The following HHAT variants were observed in gnomAD, a reference collection of about 807,000 sequenced individuals.
HHAT encodes protein-cysteine N-palmitoyltransferase HHAT.
HHAT carries 47 observed loss-of-function variants against 70.8 expected under a neutral mutation model. The ratio of observed to expected loss-of-function variants is 0.66; its 90% CI spans 0.53 to 0.85. The LOEUF (loss-of-function observed/expected upper bound fraction) is 0.85. Ranked by LOEUF, HHAT falls within the 40% of genes least tolerant of loss-of-function variation. The probability of loss-of-function intolerance (pLI) is 0.00; values close to 1 mark genes in which losing one functional copy is unlikely to be tolerated. For synonymous variants in HHAT, 228 were observed against 247.6 expected, an observed-to-expected ratio of 0.92 and a Z score of 0.74; for missense variants, 609 against 604.8, an observed-to-expected ratio of 1.01 and a Z score of -0.07.
In HHAT at chr1:210,387,480, T is replaced by C; in HGVS notation, c.172T>C (p.Phe58Leu). 6.2e-7 allele frequency: 1 copy of C among 1,614,066 alleles called. No homozygotes were observed. Among genetic ancestry groups the C allele is most frequent in the East Asian group, 2.2e-5 (1 of 44,874 alleles). ...TTGTCCTATTTAGGATGCGACCGACTTTGAGTGGAGCTTCTGGATGGAATG... is the reference window on the plus strand; with the variant it reads ...TTGTCCTATTTAGGATGCGACCGACCTTGAGTGGAGCTTCTGGATGGAATG... Reference protein sequence around the residue: ...FGGLKKDATDFEWSFWMEWGK... With the variant: ...FGGLKKDATDLEWSFWMEWGK... The change falls in exon 4 of 12, where the codon TTT (phenylalanine) becomes CTT (leucine). Residue 58 changes from phenylalanine to leucine, a missense_variant. By Grantham distance (22) the Phe-to-Leu change is conservative. Transcript: ENST00000261458.
At chr1:210,586,208 TGA>T (rs983583063) in intron 9 of HHAT, among the ~76,000 whole-genome samples, 2 of 152,140 alleles carry the variant, frequency 1.3e-5, no homozygotes, top group African/African-American at 4.8e-5. Context: ...CTTGGGAGGC[TGA>T]GACAGGAGGT....
At chr1:210,497,499 G>A (rs2094671115) in intron 8 of HHAT, among the ~76,000 whole-genome samples, 1 of 152,156 alleles carries the variant, frequency 6.6e-6, no homozygotes, top group Admixed American at 6.5e-5. Flanking sequence ...GATATAAAGT[G>A]AGCCCTACTA....
At chr1:210,559,698 T>C (rs534988728) in intron 9 of HHAT, among the ~76,000 whole-genome samples, 1 of 152,336 alleles carries the variant, frequency 6.6e-6, no homozygotes, top group East Asian at 1.9e-4. Flanking sequence ...CTCTGTGTGC[T>C]CAGAACAGGA....
At chr1:210,378,974 T>C (rs534563913) in intron 3 of HHAT, among the ~76,000 whole-genome samples, 15 of 152,256 alleles carry the variant, frequency 9.9e-5, no homozygotes, top group Non-Finnish European at 2.2e-4. Flanking sequence ...GCAGAATCTA[T>C]TGCAGTTATT....
At chr1:210,534,127 G>A (rs1477012038) in intron 9 of HHAT, among the ~76,000 whole-genome samples, 1 of 152,114 alleles carries the variant, frequency 6.6e-6, no homozygotes, top group African/African-American at 2.4e-5. Context: ...GCCCCCCACC[G>A]CCCCACCAAG....
chr1:210,335,839 T>C (rs1218273581), intron 1 of HHAT, among the ~76,000 whole-genome samples: 1 of 152,144 alleles, frequency 6.6e-6, no homozygotes, highest in Admixed American at 6.5e-5. Flanking sequence ...CAAAGTAAAA[T>C]ATCTTTATGA....
chr1:210,563,990 G>C (rs979422937), intron 9 of HHAT, among the ~76,000 whole-genome samples: 1 of 152,062 alleles, frequency 6.6e-6, no homozygotes, highest in Non-Finnish European at 1.5e-5. Flanking sequence ...GTCTCATTCT[G>C]TCATCCAGGC....
chr1:210,603,789 A>G (rs1431514266), intron 10 of HHAT, among the ~76,000 whole-genome samples: 1 of 152,156 alleles, frequency 6.6e-6, no homozygotes, highest in Non-Finnish European at 1.5e-5. Flanking sequence ...TCCTTCCAAG[A>G]CCTAGAAATA....
At chr1:210,426,711 A>G (rs1171050817) in intron 7 of HHAT, among the ~76,000 whole-genome samples, 1 of 152,136 alleles carries the variant, frequency 6.6e-6, no homozygotes, top group Non-Finnish European at 1.5e-5. Context: ...TGTGGTGGAT[A>G]AGCTTTTTAG....
intron 5 of HHAT, among the ~76,000 whole-genome samples, chr1:210,402,352 G>A (rs1193473981): frequency 6.6e-6 from 1 of 152,152 alleles, no homozygotes; most frequent in Non-Finnish European, 1.5e-5. Flanking sequence ...TTCCTAGCCC[G>A]GTTCCCAAAC....
At chr1:210,394,229 CTTTTTTTTTTTTTTTTTTTTTT>C (rs59554789) in intron 4 of HHAT, among the ~76,000 whole-genome samples, 28,369 of 117,348 alleles carry the variant, frequency 0.24, 3,290 homozygotes, top group African/African-American at 0.28. Flanking sequence ...CATGATCTAT[CTTTTTTTTTTTTTTTTTTTTTT>C]TTTTTTTTTT....
At chr1:210,653,025 GATTGGAATAGACATAA>G (rs1164514001) in intron 11 of HHAT, among the ~76,000 whole-genome samples, 3 of 152,128 alleles carry the variant, frequency 2.0e-5, no homozygotes, top group Non-Finnish European at 4.4e-5. Flanking sequence ...AATAGCAAAA[GATTGGAATAGACATAA>G]ATGTCCACTG....
At chr1:210,363,022 A>G (rs748191730) in intron 3 of HHAT, 103 bp downstream of exon 3, 35 of 996,546 alleles carry the variant, frequency 3.5e-5, no homozygotes, top group Non-Finnish European at 5.2e-5. Context: ...TTCAGCAGCA[A>G]TCTGGAATGA....
intron 9 of HHAT, among the ~76,000 whole-genome samples, chr1:210,520,699 G>T (rs902979725): frequency 6.6e-6 from 1 of 151,924 alleles, no homozygotes. Flanking sequence ...AATTTTTATT[G>T]CTCTTTAGGT....
At chr1:210,457,741 G>A (rs2093899283) in intron 7 of HHAT, among the ~76,000 whole-genome samples, 1 of 152,154 alleles carries the variant, frequency 6.6e-6, no homozygotes, top group Non-Finnish European at 1.5e-5. Flanking sequence ...TTGTTCTCCA[G>A]GTCTGTGGGG....
At chr1:210,554,287 A>G (rs1156621431) in intron 9 of HHAT, among the ~76,000 whole-genome samples, 1 of 152,118 alleles carries the variant, frequency 6.6e-6, no homozygotes, top group Non-Finnish European at 1.5e-5. Context: ...TGAGCTAATG[A>G]CTTTGAGGAA....
rs538564029 is a variant in HHAT, at chr1:210,421,862, G to T, written c.856+3537G>T. Among the ~76,000 whole-genome samples the T allele has an allele frequency of 5.7e-4, 87 of 152,212 alleles. 1 individual carries two copies. Among genetic ancestry groups the T allele is most frequent in the Non-Finnish European group, 2.9e-5 (2 of 68,018 alleles). On this transcript the variant is annotated intron_variant, in intron 7 of 11. Coordinates refer to ENST00000261458, the MANE Select transcript of HHAT (RefSeq NM_018194.6). Reference sequence around the variant, plus strand: ...TTATTTAAAAAAAGTCATATGTGTAGTTGCAAATATTGACATCTTTTGGTT... The same window carrying T: ...TTATTTAAAAAAAGTCATATGTGTATTTGCAAATATTGACATCTTTTGGTT...
intron 4 of HHAT, among the ~76,000 whole-genome samples, chr1:210,388,565 A>T (rs2091246161): frequency 6.6e-6 from 1 of 151,800 alleles, no homozygotes; most frequent in Admixed American, 6.6e-5. Flanking sequence ...TTTTTTTTGT[A>T]CTCAAGTGGC....
At chr1:210,655,315 T>C (rs1676153491) in intron 11 of HHAT, among the ~76,000 whole-genome samples, 1 of 152,224 alleles carries the variant, frequency 6.6e-6, no homozygotes, top group Admixed American at 6.5e-5. Context: ...ACTGAGATCC[T>C]GGCTGTCTTG....
Sources: allele counts gnomAD v4.1 joint callset (sites outside exome capture counted in the v4.1 genomes callset), GRCh38; gene constraint gnomAD v4.1.1; transcripts MANE v1.5; gene names NCBI Gene and HGNC (gene_info 2026-07-23, HGNC 2026-07-21).